Variants in KDM4C observed in about 807,000 individuals in gnomAD.
KDM4C encodes lysine-specific demethylase 4C.
A neutral mutation model predicts 129.3 loss-of-function variants in KDM4C; 81 were observed. That is an observed-to-expected ratio of 0.63 (90% CI 0.52 to 0.75). The LOEUF (loss-of-function observed/expected upper bound fraction) is 0.75. Among genes scored for constraint, KDM4C ranks in the 30% least tolerant of loss-of-function variants. KDM4C has a pLI of 0.00. For missense variants in KDM4C, 1,457 were observed against 1,304.0 expected (o/e 1.12, Z -1.81); for synonymous variants, 573 against 456.1 (o/e 1.26, Z -3.26).
At chr9:6,837,773 C>G (rs562809959) in intron 4 of KDM4C, among the ~76,000 whole-genome samples, 6 of 152,064 alleles carry the variant, frequency 3.9e-5, no homozygotes, top group African/African-American at 1.4e-4. Flanking sequence ...TGTGGCTATT[C>G]TTTTCACTAT....
chr9:7,158,988 A>AG (rs1392103843), intron 19 of KDM4C, among the ~76,000 whole-genome samples: 1 of 152,134 alleles, frequency 6.6e-6, no homozygotes, highest in East Asian at 1.9e-4. Flanking sequence ...GTCTCTTTGT[A>AG]GTCTCTAAGG....
At chr9:6,909,653 C>G (rs888070432) in intron 8 of KDM4C, among the ~76,000 whole-genome samples, 1 of 152,054 alleles carries the variant, frequency 6.6e-6, no homozygotes, top group Non-Finnish European at 1.5e-5. Flanking sequence ...GTATTTTTAA[C>G]ATGGCAGACT....
intron 1 of KDM4C, among the ~76,000 whole-genome samples, chr9:6,738,244 A>G (rs1422666404): frequency 6.6e-6 from 1 of 152,122 alleles, no homozygotes; most frequent in African/African-American, 2.4e-5. Flanking sequence ...TGGGAGGCCG[A>G]GGCAGATGGA....
chr9:7,153,176 G>T (rs1301117225), intron 19 of KDM4C, among the ~76,000 whole-genome samples: 1 of 152,276 alleles, frequency 6.6e-6, no homozygotes, highest in African/African-American at 2.4e-5. Context: ...GAGCTCAAGT[G>T]ATCCTTCCAC....
Position 7,165,026 on chromosome 9 carries a change from TG to T in KDM4C, c.2782-210del, listed in dbSNP as rs113354292. ...CTGCTGTTTTTTTCTGCTTGGATTATGGTGGCTCCTTTGCAACTTTATGATG... is the reference window on the plus strand; with the variant it reads ...CTGCTGTTTTTTTCTGCTTGGATTATGTGGCTCCTTTGCAACTTTATGATG... On this transcript the variant is annotated intron_variant, in intron 19 of 21. Transcript: ENST00000381309. Among the ~76,000 whole-genome samples, 149 of 152,274 alleles carry T rather than the reference TG, an allele frequency of 9.8e-4. 2 individuals carry two copies. The highest frequency in any genetic ancestry group is 3.5e-3 in the African/African-American group (144 of 41,558).
chr9:7,137,769 A>T (rs1017434453), intron 19 of KDM4C, among the ~76,000 whole-genome samples: 4 of 152,048 alleles, frequency 2.6e-5, no homozygotes, highest in African/African-American at 9.7e-5. Context: ...CCTCTATCCA[A>T]CCCCAGGTGC....
At chr9:6,794,725 G>C (rs1249519648) in intron 2 of KDM4C, among the ~76,000 whole-genome samples, 1 of 151,952 alleles carries the variant, frequency 6.6e-6, no homozygotes, top group Admixed American at 6.6e-5. Flanking sequence ...TATTCTTACG[G>C]GTGCCAGATA....
chr9:6,983,613 C>CACACACACACACACACACACACACACA (rs1554679077), intron 9 of KDM4C, among the ~76,000 whole-genome samples: 2 of 146,424 alleles, frequency 1.4e-5, no homozygotes, highest in Admixed American at 6.9e-5. Context: ...CACACACACA[C>CACACACACACACACACACACACACACA]CAGTTAGCCT....
chr9:6,736,953 A>C (rs1359556270), intron 1 of KDM4C, among the ~76,000 whole-genome samples: 2 of 149,212 alleles, frequency 1.3e-5, no homozygotes, highest in Admixed American at 6.8e-5. Flanking sequence ...TGGGAGGCGG[A>C]GGCACAAGTA....
At chr9:7,146,467 T>C (rs1317448352) in intron 19 of KDM4C, among the ~76,000 whole-genome samples, 1 of 152,240 alleles carries the variant, frequency 6.6e-6, no homozygotes, top group Non-Finnish European at 1.5e-5. Context: ...CTAGCTCTTG[T>C]GGCATCTTGA....
At chr9:6,994,504 T>C (rs1819338438) in intron 12 of KDM4C, among the ~76,000 whole-genome samples, 1 of 152,188 alleles carries the variant, frequency 6.6e-6, no homozygotes, top group South Asian at 2.1e-4. Flanking sequence ...TTGTTATTTG[T>C]CTGTCCGTGT....
upstream of KDM4C, chr9:6,757,957 G>C: frequency 3.0e-6 from 3 of 985,394 alleles, no homozygotes; most frequent in Non-Finnish European, 3.6e-6. Flanking sequence ...GACGGCGCGC[G>C]CGCCCTCGCG....
At chr9:6,821,407 A>G (rs1303834986) in intron 4 of KDM4C, among the ~76,000 whole-genome samples, 2 of 152,052 alleles carry the variant, frequency 1.3e-5, no homozygotes, top group East Asian at 1.9e-4. Context: ...TTTAATGATC[A>G]CCATTCTAAC....
At chr9:6,772,992 G>A (rs1822212629) in intron 1 of KDM4C, among the ~76,000 whole-genome samples, 1 of 151,778 alleles carries the variant, frequency 6.6e-6, no homozygotes, top group Non-Finnish European at 1.5e-5. Flanking sequence ...CACAGTGCCT[G>A]GCTTTTCTTT....
At chr9:6,842,426 C>G (rs1437740012) in intron 4 of KDM4C, among the ~76,000 whole-genome samples, 1 of 150,920 alleles carries the variant, frequency 6.6e-6, no homozygotes, top group South Asian at 2.1e-4. Flanking sequence ...CCTCCGCCTC[C>G]TGGGTTCACG....
At chr9:7,085,591 T>C (rs1461527311) in intron 17 of KDM4C, among the ~76,000 whole-genome samples, 1 of 152,222 alleles carries the variant, frequency 6.6e-6, no homozygotes, top group Non-Finnish European at 1.5e-5. Context: ...TATTGAAACC[T>C]GTGAGAGGAA....
intron 1 of KDM4C, among the ~76,000 whole-genome samples, chr9:6,741,169 G>A (rs1414719389): frequency 6.6e-6 from 1 of 151,946 alleles, no homozygotes; most frequent in African/African-American, 2.4e-5. Flanking sequence ...AGGCTGAGGC[G>A]AGTAGATCAT....
intron 1 of KDM4C, among the ~76,000 whole-genome samples, chr9:6,780,066 A>G (rs189510507): frequency 1.3e-5 from 2 of 152,282 alleles, no homozygotes; most frequent in East Asian, 3.9e-4. Context: ...GATAAGGGAT[A>G]CCATACATTC....
rs143724736 is a variant in KDM4C at position 7,003,172 on chromosome 9, T to C, written c.1787-8526T>C. On this transcript the variant is annotated intron_variant, in intron 12 of 21. Coordinates refer to ENST00000381309, the MANE Select transcript of KDM4C (RefSeq NM_015061.6). ...TGAGCCACTGTGTCCAGCCTACTCT[T>C]TCAACACTAACAACCTCCCAAAATA... Among the ~76,000 whole-genome samples the C allele has an allele frequency of 3.9e-3, 587 of 152,290 alleles. 4 individuals are homozygous for C. The highest frequency in any genetic ancestry group is 0.013 in the African/African-American group (528 of 41,562).
Sources: gnomAD v4.1 joint callset for allele counts (sites outside exome capture counted in the v4.1 genomes callset) on GRCh38, gnomAD v4.1.1 for gene constraint, MANE v1.5 for transcripts, NCBI Gene and HGNC (gene_info 2026-07-23, HGNC 2026-07-21) for gene names.